Variants in RNF150 observed in about 807,000 individuals in gnomAD.
RNF150 encodes the protein ring finger protein 150.
Under a neutral mutation model 39.3 loss-of-function variants are expected in RNF150, and 24 were observed. That is an observed-to-expected ratio of 0.61 (90% CI 0.44 to 0.86). The LOEUF (loss-of-function observed/expected upper bound fraction) is 0.86, where lower values mean the gene tolerates loss of function less well. Ranked by LOEUF, RNF150 falls within the 40% of genes least tolerant of loss-of-function variation. The probability of loss-of-function intolerance (pLI) is 0.00; values close to 1 mark genes in which losing one functional copy is unlikely to be tolerated. For synonymous variants in RNF150, 255 were observed against 227.3 expected, an observed-to-expected ratio of 1.12 and a Z score of -1.10; for missense variants, 502 against 587.8, an observed-to-expected ratio of 0.85 and a Z score of 1.51.
intron 1 of RNF150, among the ~76,000 whole-genome samples, chr4:141,196,424 T>C (rs1327199950): frequency 2.0e-5 from 3 of 152,136 alleles, no homozygotes; most frequent in South Asian, 2.1e-4. Flanking sequence ...AGCTGTTGGA[T>C]TTGATTGCCC....
At chr4:141,106,028 C>T (rs1007084958) in intron 1 of RNF150, among the ~76,000 whole-genome samples, 2 of 152,188 alleles carry the variant, frequency 1.3e-5, no homozygotes, top group African/African-American at 2.4e-5. Flanking sequence ...CTACTTGTCA[C>T]TCTGGCCCAC....
chr4:141,013,296 T>C (rs948879700), intron 1 of RNF150, among the ~76,000 whole-genome samples: 1 of 152,206 alleles, frequency 6.6e-6, no homozygotes, highest in Non-Finnish European at 1.5e-5. Flanking sequence ...GATACAATGA[T>C]GGTATTTTGA....
intron 2 of RNF150, among the ~76,000 whole-genome samples, chr4:140,949,776 C>T (rs1329771184): frequency 6.6e-6 from 1 of 152,122 alleles, no homozygotes; most frequent in African/African-American, 2.4e-5. Context: ...AGTGTCATCT[C>T]CTCTTTTTGA....
chr4:141,107,714 T>C (rs1739259116), intron 1 of RNF150, among the ~76,000 whole-genome samples: 1 of 152,202 alleles, frequency 6.6e-6, no homozygotes, highest in Non-Finnish European at 1.5e-5. Context: ...GGATTTTATC[T>C]GTATACTACC....
At position 140,867,851 on chromosome 4, in the gene RNF150, G is replaced by T. The variant is rs1728773509; in HGVS notation, c.*410C>A. The T allele has an allele frequency of 6.3e-6, 1 of 158,222 alleles. No individual in the cohort carries two copies. The highest frequency in any genetic ancestry group is 6.4e-5 in the Admixed American group (1 of 15,592). The allele number at this position is 158,222 out of a possible 1,614,324, so 9.8% of individuals were successfully genotyped here. On this transcript the variant is annotated 3_prime_UTR_variant, in exon 7 of 7. Coordinates refer to ENST00000515673, the MANE Select transcript of RNF150 (RefSeq NM_020724.2). ...CAAAGGAAAAACAAAGGAATAGATGGAAAGTAAACTACAAATAATCTTTAA... is the reference window on the plus strand; with the variant it reads ...CAAAGGAAAAACAAAGGAATAGATGTAAAGTAAACTACAAATAATCTTTAA...
At chr4:141,072,596 A>G (rs890478181) in intron 1 of RNF150, among the ~76,000 whole-genome samples, 1 of 152,250 alleles carries the variant, frequency 6.6e-6, no homozygotes, top group African/African-American at 2.4e-5. Flanking sequence ...TCACAGCATC[A>G]AGTAGTATAC....
chr4:141,152,103 C>A (rs976031647), intron 1 of RNF150, among the ~76,000 whole-genome samples: 1 of 152,074 alleles, frequency 6.6e-6, no homozygotes, highest in Non-Finnish European at 1.5e-5. Context: ...CCCTCTCAAG[C>A]AATCTGGGAA....
intron 1 of RNF150, among the ~76,000 whole-genome samples, chr4:141,048,837 T>C (rs1204636417): frequency 6.6e-6 from 1 of 152,234 alleles, no homozygotes; most frequent in Admixed American, 6.5e-5. Flanking sequence ...AGTAGCTTTT[T>C]AGACACGTAT....
intron 1 of RNF150, among the ~76,000 whole-genome samples, chr4:141,058,790 T>A (rs1737095899): frequency 6.6e-6 from 1 of 152,178 alleles, no homozygotes; most frequent in Non-Finnish European, 1.5e-5. Context: ...ACCATTAGGT[T>A]TTCCCATTTG....
intron 6 of RNF150, among the ~76,000 whole-genome samples, chr4:140,908,478 T>G (rs926316930): frequency 6.6e-5 from 10 of 152,216 alleles, no homozygotes; most frequent in Non-Finnish European, 1.3e-4. Flanking sequence ...GTCTTCTGAC[T>G]GTAGGTATTG....
intron 6 of RNF150, among the ~76,000 whole-genome samples, chr4:140,897,888 TC>T (rs1270222378): frequency 6.6e-5 from 10 of 152,288 alleles, no homozygotes; most frequent in African/African-American, 2.4e-4. Flanking sequence ...GAGCTATTTG[TC>T]CAAAGTTACA....
intron 1 of RNF150, among the ~76,000 whole-genome samples, chr4:141,108,301 T>C (rs1739276954): frequency 6.6e-6 from 1 of 152,218 alleles, no homozygotes; most frequent in South Asian, 2.1e-4. Context: ...CACTGTTTTC[T>C]TAAAATTTTT....
intron 1 of RNF150, among the ~76,000 whole-genome samples, chr4:141,170,917 C>A (rs1341056555): frequency 6.6e-6 from 1 of 152,104 alleles, no homozygotes; most frequent in Non-Finnish European, 1.5e-5. Context: ...CCAAGTTGTT[C>A]CAAGGCTGAT....
chr4:140,873,300 T>A (rs1729018183), intron 6 of RNF150, among the ~76,000 whole-genome samples: 1 of 152,138 alleles, frequency 6.6e-6, no homozygotes. Context: ...GTCATCACAG[T>A]CACCAAATGG....
chr4:140,883,862 A>T (rs1047853461), intron 6 of RNF150, among the ~76,000 whole-genome samples: 2 of 152,166 alleles, frequency 1.3e-5, no homozygotes, highest in African/African-American at 2.4e-5. Flanking sequence ...ATGCCTTTGA[A>T]GAAGCTCTTT....
intron 1 of RNF150, among the ~76,000 whole-genome samples, chr4:141,078,914 CACATATATAT>C (rs1344532094): frequency 4.5e-4 from 65 of 143,054 alleles, no homozygotes; most frequent in African/African-American, 1.7e-3. Flanking sequence ...TACATATATA[CACATATATAT>C]ACATATATAT....
chr4:140,922,052 C>G (rs1249444062), intron 5 of RNF150, among the ~76,000 whole-genome samples: 1 of 150,476 alleles, frequency 6.6e-6, no homozygotes, highest in African/African-American at 2.5e-5. Context: ...CCTTTGAAAA[C>G]TGGCACAAGA....
At chr4:140,950,725 T>A (rs1300893777) in intron 2 of RNF150, among the ~76,000 whole-genome samples, 1 of 152,220 alleles carries the variant, frequency 6.6e-6, no homozygotes, top group Non-Finnish European at 1.5e-5. Context: ...ACTAAGTATT[T>A]ACCACGTGGC....
intron 3 of RNF150, among the ~76,000 whole-genome samples, chr4:140,948,543 T>C (rs1484361116): frequency 1.3e-5 from 2 of 152,198 alleles, no homozygotes; most frequent in African/African-American, 4.8e-5. Flanking sequence ...CTTTTGGCTT[T>C]ATGACATCAT....
Sources: allele counts gnomAD v4.1 joint callset (sites outside exome capture counted in the v4.1 genomes callset), GRCh38; gene constraint gnomAD v4.1.1; transcripts MANE v1.5; gene names NCBI Gene and HGNC (gene_info 2026-07-23, HGNC 2026-07-21).